AUTS2: variants seen among roughly 807,000 people sequenced by gnomAD.
AUTS2 encodes the protein activator of transcription and developmental regulator AUTS2.
A neutral mutation model predicts 112.4 loss-of-function variants in AUTS2; 17 were observed. The observed-to-expected ratio is 0.15, with a 90% CI of 0.10 to 0.23. The LOEUF is 0.23. AUTS2 is among the 10% of genes least tolerant of loss of function. The pLI is 1.00. For synonymous variants in AUTS2, 751 were observed against 702.7 expected (o/e 1.07, Z -1.09); for missense variants, 1,510 against 1,701.6 (o/e 0.89, Z 1.98).
rs200867539 is a variant in AUTS2 at position 70,053,544 on chromosome 7, G to GTTTTTTTTTTTTTTTTTTTTTTTTTTTT, written c.523-64576_523-64575insTTTTTTTTTTTTTTTTTTTTTTTTTTTT. On this transcript the variant is annotated intron_variant, in intron 2 of 18. Transcript: ENST00000342771. ...ATTGTGGCAACCACTGTTTTGGGTG[G>GTTTTTTTTTTTTTTTTTTTTTTTTTTTT]TTTTTTTTTTTTGGAGACAGGATCT... Among the ~76,000 whole-genome samples, 73 of 127,802 alleles carry GTTTTTTTTTTTTTTTTTTTTTTTTTTTT rather than the reference G, an allele frequency of 5.7e-4. 7 individuals carry two copies. Among genetic ancestry groups the GTTTTTTTTTTTTTTTTTTTTTTTTTTTT allele is most frequent in the South Asian group, 1.2e-3 (5 of 4,090 alleles). The allele number at this position is 127,802 out of a possible 152,430, so 83.8% of individuals were successfully genotyped here. A position where few individuals can be genotyped will look rare whatever the true frequency, so the allele number is the denominator to read the frequency against.
At chr7:70,724,756 T>C (rs765543663) in intron 6 of AUTS2, among the ~76,000 whole-genome samples, 1 of 152,206 alleles carries the variant, frequency 6.6e-6, no homozygotes. Context: ...CATCCTGACA[T>C]TCTTTATGTG....
chr7:70,315,115 C>T (rs997583656), intron 4 of AUTS2, among the ~76,000 whole-genome samples: 5 of 152,160 alleles, frequency 3.3e-5, no homozygotes, highest in African/African-American at 1.2e-4. Context: ...AATAAAATAG[C>T]TTCTTAATGC....
chr7:70,757,399 A>AT (rs1039150321), intron 6 of AUTS2, among the ~76,000 whole-genome samples: 2 of 152,098 alleles, frequency 1.3e-5, no homozygotes, highest in Non-Finnish European at 2.9e-5. Flanking sequence ...AGGTAATTAT[A>AT]TTTTTTGTAA....
rs1793811116 is a variant in AUTS2 at position 69,623,992 on chromosome 7, A to G, written c.309+24030A>G. Among the ~76,000 whole-genome samples, 3 of 152,164 alleles carry G rather than the reference A, an allele frequency of 2.0e-5. No homozygotes were observed. In the South Asian group the frequency reaches 6.2e-4, roughly 32 times the overall value. On this transcript the variant is annotated intron_variant, in intron 1 of 18. Coordinates refer to ENST00000342771, the MANE Select transcript of AUTS2 (RefSeq NM_015570.4). Reference sequence around the variant, plus strand: ...ATAATAAGGTGTAAGTGAAAAAAGCATTGTCTTTTGGTAGGTGGTGTTTCT... The same window carrying G: ...ATAATAAGGTGTAAGTGAAAAAAGCGTTGTCTTTTGGTAGGTGGTGTTTCT...
intron 5 of AUTS2, among the ~76,000 whole-genome samples, chr7:70,506,292 T>C (rs868790542): frequency 1.3e-5 from 2 of 152,240 alleles, no homozygotes; most frequent in Non-Finnish European, 2.9e-5. Context: ...GCAATGCATC[T>C]GGAGCTACAA....
At chr7:70,396,739 T>A (rs1229060543) in intron 4 of AUTS2, among the ~76,000 whole-genome samples, 2 of 152,170 alleles carry the variant, frequency 1.3e-5, no homozygotes, top group Non-Finnish European at 2.9e-5. Context: ...CGCTGAGTAG[T>A]GTATGGATAT....
chr7:69,840,378 G>A (rs762207596), intron 1 of AUTS2, among the ~76,000 whole-genome samples: 4 of 152,170 alleles, frequency 2.6e-5, no homozygotes, highest in African/African-American at 7.2e-5. Context: ...AATTTAAAAT[G>A]TCTGATATCT....
At chr7:70,438,066 C>T (rs748873212) in intron 5 of AUTS2, among the ~76,000 whole-genome samples, 10 of 152,012 alleles carry the variant, frequency 6.6e-5, no homozygotes, top group Non-Finnish European at 2.9e-5. Flanking sequence ...AACCATGGGT[C>T]TTGATGATCA....
intron 5 of AUTS2, among the ~76,000 whole-genome samples, chr7:70,505,786 G>T (rs1387902147): frequency 6.6e-6 from 1 of 152,176 alleles, no homozygotes; most frequent in Non-Finnish European, 1.5e-5. Flanking sequence ...GGGTTTGGGG[G>T]AGGTAGGACC....
At chr7:70,446,722 A>G (rs1392377361) in intron 5 of AUTS2, among the ~76,000 whole-genome samples, 2 of 152,288 alleles carry the variant, frequency 1.3e-5, no homozygotes, top group East Asian at 3.9e-4. Flanking sequence ...CTTCTCAGGC[A>G]AGTTCCCCAG....
intron 4 of AUTS2, among the ~76,000 whole-genome samples, chr7:70,319,349 T>G (rs1282322994): frequency 1.3e-5 from 2 of 152,176 alleles, no homozygotes; most frequent in African/African-American, 4.8e-5. Flanking sequence ...CCATTTCAGA[T>G]CTGCAGGTCT....
chr7:70,392,688 T>G (rs921553895), intron 4 of AUTS2, among the ~76,000 whole-genome samples: 3 of 152,220 alleles, frequency 2.0e-5, no homozygotes, highest in African/African-American at 7.2e-5. Flanking sequence ...TGATGCATAC[T>G]CAGCCTGCCT....
intron 4 of AUTS2, among the ~76,000 whole-genome samples, chr7:70,237,807 C>G (rs1378221917): frequency 6.6e-6 from 1 of 152,144 alleles, no homozygotes; most frequent in Non-Finnish European, 1.5e-5. Context: ...TAATGAAAAT[C>G]CACAGACAAG....
chr7:70,554,841 G>A (rs1013396907), intron 5 of AUTS2, among the ~76,000 whole-genome samples: 3 of 152,220 alleles, frequency 2.0e-5, no homozygotes, highest in African/African-American at 7.2e-5. Flanking sequence ...AGTCCAGATG[G>A]ACAGTGATCA....
chr7:69,748,731 G>C (rs1437606160), intron 1 of AUTS2, among the ~76,000 whole-genome samples: 4 of 152,194 alleles, frequency 2.6e-5, no homozygotes, highest in Non-Finnish European at 1.5e-5. Flanking sequence ...GGGCAACACT[G>C]TATGTAGTGA....
intron 2 of AUTS2, among the ~76,000 whole-genome samples, chr7:69,929,056 T>C (rs1055759015): frequency 3.3e-5 from 5 of 152,150 alleles, no homozygotes; most frequent in Admixed American, 1.3e-4. Context: ...ACTGAGAGAA[T>C]TTACTGATGA....
chr7:70,127,720 A>C (rs948182215), intron 3 of AUTS2, among the ~76,000 whole-genome samples: 12 of 152,202 alleles, frequency 7.9e-5, no homozygotes, highest in Admixed American at 3.3e-4. Flanking sequence ...TCAAAGTCTT[A>C]TGAGTCTAAT....
chr7:70,296,143 C>T (rs919867255), intron 4 of AUTS2, among the ~76,000 whole-genome samples: 2 of 152,168 alleles, frequency 1.3e-5, no homozygotes, highest in African/African-American at 4.8e-5. Context: ...CTCATACTTC[C>T]CAAGGTCAGT....
chr7:70,290,747 A>G (rs1788671531), intron 4 of AUTS2: 3 of 949,212 alleles, frequency 3.2e-6, no homozygotes, highest in South Asian at 2.7e-5. Context: ...TTAAGCTATG[A>G]CTGTAACGTT....
Sources: gnomAD v4.1 joint callset for allele counts (sites outside exome capture counted in the v4.1 genomes callset) on GRCh38, gnomAD v4.1.1 for gene constraint, MANE v1.5 for transcripts, NCBI Gene and HGNC (gene_info 2026-07-23, HGNC 2026-07-21) for gene names.